The following TMPRSS11A variants were observed in gnomAD, a reference collection of about 807,000 sequenced individuals.
TMPRSS11A encodes transmembrane serine protease 11A.
TMPRSS11A carries 53 observed loss-of-function variants against 58.9 expected under a neutral mutation model. That is an observed-to-expected ratio of 0.90 (90% CI 0.72 to 1.13). The LOEUF is 1.13. Ranked by LOEUF, TMPRSS11A falls within the 50% of genes most tolerant of loss-of-function variation. The pLI, the probability that TMPRSS11A is intolerant of heterozygous loss-of-function variation, is 0.00. For missense variants in TMPRSS11A, 493 were observed against 499.3 expected (o/e 0.99, Z 0.12); for synonymous variants, 167 against 169.8 (o/e 0.98, Z 0.13).
chr4:67,924,563 T>C lies in TMPRSS11A; in HGVS notation c.482-397A>G, dbSNP rs143366965. Among the ~76,000 whole-genome samples, 280 of 152,312 alleles carry C rather than the reference T, an allele frequency of 1.8e-3. 2 individuals are homozygous for C. Among genetic ancestry groups the C allele is most frequent in the Admixed American group, 3.4e-3 (52 of 15,298 alleles). On this transcript the variant is annotated intron_variant, in intron 5 of 9. Coordinates refer to ENST00000508048, the MANE Select transcript of TMPRSS11A (RefSeq NM_001114387.2). ...TGTTTTCACACTGCTGATAAAGACA[T>C]ATCTGAGACTGGGTAATTTATAAAG...
At chr4:67,922,710 G>A in intron 7 of TMPRSS11A, 45 bp downstream of exon 7, 1 of 1,559,988 alleles carries the variant, frequency 6.4e-7, no homozygotes, top group Non-Finnish European at 8.8e-7. Context: ...CAAAACTCAG[G>A]GCTTTTTAGC....
intron 7 of TMPRSS11A, among the ~76,000 whole-genome samples, chr4:67,920,433 T>C (rs1376441254): frequency 6.6e-6 from 1 of 151,240 alleles, no homozygotes; most frequent in East Asian, 1.9e-4. Context: ...TGGAAGCATA[T>C]TTTAAGGAAG....
chr4:67,963,002 G>C (rs539058232), intron 1 of TMPRSS11A, among the ~76,000 whole-genome samples: 1 of 152,254 alleles, frequency 6.6e-6, no homozygotes, highest in South Asian at 2.1e-4. Context: ...AAGAGAAAAC[G>C]CTATAGAAGC....
chr4:67,930,829 T>TTTTTTTTTA (rs1265700805), intron 4 of TMPRSS11A, among the ~76,000 whole-genome samples: 3 of 90,158 alleles, frequency 3.3e-5, no homozygotes, highest in African/African-American at 9.4e-5. Flanking sequence ...TTTTTTTTTT[T>TTTTTTTTTA]ACAAAAAAAA....
At chr4:67,917,480 A>T (rs1720191341) in intron 8 of TMPRSS11A, among the ~76,000 whole-genome samples, 1 of 152,182 alleles carries the variant, frequency 6.6e-6, no homozygotes, top group Admixed American at 6.6e-5. Context: ...TTTCAATTTT[A>T]AAAAACTTCT....
At chr4:67,929,370 C>T (rs1225767187) in intron 5 of TMPRSS11A, among the ~76,000 whole-genome samples, 1 of 152,114 alleles carries the variant, frequency 6.6e-6, no homozygotes, top group Admixed American at 6.5e-5. Flanking sequence ...TTTTCCTAGA[C>T]TGTGATTTTT....
intron 1 of TMPRSS11A, among the ~76,000 whole-genome samples, chr4:67,948,367 C>T (rs1486890717): frequency 6.6e-6 from 1 of 151,960 alleles, no homozygotes; most frequent in Non-Finnish European, 1.5e-5. Context: ...ATGGTGTTAG[C>T]CAGGATGGTC....
intron 9 of TMPRSS11A, among the ~76,000 whole-genome samples, chr4:67,913,810 G>A (rs1318012086): frequency 5.9e-5 from 9 of 152,210 alleles, no homozygotes; most frequent in Admixed American, 5.9e-4. Context: ...CTCTGGACAG[G>A]ACTTTCTGCC....
chr4:67,925,367 G>T (rs1005902692), intron 5 of TMPRSS11A, among the ~76,000 whole-genome samples: 4 of 152,166 alleles, frequency 2.6e-5, no homozygotes, highest in Admixed American at 2.6e-4. Flanking sequence ...AAGTTAAAAT[G>T]ACTTAGCTTA....
intron 3 of TMPRSS11A, among the ~76,000 whole-genome samples, chr4:67,934,120 T>C (rs1720695550): frequency 2.0e-5 from 3 of 152,172 alleles, no homozygotes; most frequent in Admixed American, 6.5e-5. Flanking sequence ...GATCCTTCTT[T>C]ATAAAATTCT....
chr4:67,914,709 C>A lies in TMPRSS11A; in HGVS notation c.974G>T (p.Arg325Leu), dbSNP rs150048717. 7 of 1,612,398 alleles carry A rather than the reference C, an allele frequency of 4.3e-6. No homozygotes were observed. In the Admixed American group the frequency reaches 8.4e-5, roughly 19 times the overall value. ...YYGGESQNDL[R>L]EARVKIISDD... Reference sequence around the variant, plus strand: ...ACTTATGATTTTCACTCTGGCTTCTCGGAGATCATTTTGGGATTCCCCTTA... The same window carrying A: ...ACTTATGATTTTCACTCTGGCTTCTAGGAGATCATTTTGGGATTCCCCTTA... Residue 325 changes from arginine to leucine, a missense_variant, in exon 9 of 10, where the codon CGA becomes CTA. Physicochemically the swap from Arg to Leu is moderately radical, Grantham distance 102 (BLOSUM62 -2). Coordinates refer to ENST00000508048, the MANE Select transcript of TMPRSS11A (RefSeq NM_001114387.2).
At chr4:67,934,757 G>A (rs556139087) in intron 3 of TMPRSS11A, among the ~76,000 whole-genome samples, 1 of 152,176 alleles carries the variant, frequency 6.6e-6, no homozygotes, top group African/African-American at 2.4e-5. Context: ...AAACAGACTC[G>A]CCCAGCCATT....
intron 4 of TMPRSS11A, among the ~76,000 whole-genome samples, chr4:67,930,829 T>TTTTTTATAA (rs1265700805): frequency 1.1e-5 from 1 of 90,154 alleles, no homozygotes; most frequent in Non-Finnish European, 2.1e-5. Flanking sequence ...TTTTTTTTTT[T>TTTTTTATAA]ACAAAAAAAA....
At chr4:67,917,440 C>A (rs987900368) in intron 8 of TMPRSS11A, among the ~76,000 whole-genome samples, 1 of 151,854 alleles carries the variant, frequency 6.6e-6, no homozygotes, top group Admixed American at 6.6e-5. Flanking sequence ...AGTTAGATTC[C>A]ATTATGATCA....
chr4:67,963,460 T>C lies in TMPRSS11A; in HGVS notation c.-67A>G. On this transcript the variant is annotated 5_prime_UTR_variant, in exon 1 of 10. Transcript: ENST00000508048. Reference sequence around the variant, plus strand: ...GAACTCAACTTTCTAATCAACTATATGACATCTCTAGATGTATTAGAAGTC... The same window carrying C: ...GAACTCAACTTTCTAATCAACTATACGACATCTCTAGATGTATTAGAAGTC... The C allele has an allele frequency of 6.5e-7, 1 of 1,549,574 alleles. No individual in the cohort carries two copies. Among genetic ancestry groups the C allele is most frequent in the Non-Finnish European group, 8.9e-7 (1 of 1,125,528 alleles).
chr4:67,960,475 A>G (rs1327548075), intron 1 of TMPRSS11A, among the ~76,000 whole-genome samples: 4 of 152,190 alleles, frequency 2.6e-5, no homozygotes, highest in Admixed American at 6.5e-5. Context: ...TAAAATGGAG[A>G]TAATATTACC....
intron 1 of TMPRSS11A, 56 bp from the exon 2 acceptor site, chr4:67,946,627 C>T: frequency 6.4e-7 from 1 of 1,559,204 alleles, no homozygotes; most frequent in East Asian, 2.4e-5. Context: ...TGCAGGTTTT[C>T]CAGCTCTCCT....
intron 3 of TMPRSS11A, among the ~76,000 whole-genome samples, chr4:67,943,531 C>T (rs144529591): frequency 3.3e-5 from 5 of 152,184 alleles, no homozygotes; most frequent in South Asian, 2.1e-4. Flanking sequence ...GCAGGCTCCC[C>T]GTTCATCCTA....
intron 1 of TMPRSS11A, among the ~76,000 whole-genome samples, chr4:67,950,956 C>A (rs1014107168): frequency 2.0e-5 from 3 of 152,208 alleles, no homozygotes; most frequent in South Asian, 2.1e-4. Flanking sequence ...GGTGGAAGAG[C>A]CTTGGTGGGC....
Sources: gnomAD v4.1 joint callset for allele counts (sites outside exome capture counted in the v4.1 genomes callset) on GRCh38, gnomAD v4.1.1 for gene constraint, MANE v1.5 for transcripts, NCBI Gene and HGNC (gene_info 2026-07-23, HGNC 2026-07-21) for gene names.